The following TARBP1 variants were observed in gnomAD, a reference collection of about 807,000 sequenced individuals.
TARBP1 encodes tRNA (guanosine(18)-2'-O)-methyltransferase TARBP1.
Under a neutral mutation model 178.6 loss-of-function variants are expected in TARBP1, and 144 were observed. That is an observed-to-expected ratio of 0.81 (90% CI 0.70 to 0.93). The LOEUF (loss-of-function observed/expected upper bound fraction) is 0.93. TARBP1 is among the 40% of genes least tolerant of loss of function. The probability of loss-of-function intolerance (pLI) is 0.00; values close to 1 mark genes in which losing one functional copy is unlikely to be tolerated. For synonymous variants in TARBP1, 787 were observed against 781.0 expected, an observed-to-expected ratio of 1.01 and a Z score of -0.13; for missense variants, 2,067 against 2,011.7, an observed-to-expected ratio of 1.03 and a Z score of -0.53.
At chr1:234,451,431 A>G (rs1412078974) in intron 9 of TARBP1, among the ~76,000 whole-genome samples, 1 of 152,198 alleles carries the variant, frequency 6.6e-6, no homozygotes, top group Non-Finnish European at 1.5e-5. Flanking sequence ...CAAAGGAAGA[A>G]TACATCACCT....
intron 20 of TARBP1, among the ~76,000 whole-genome samples, chr1:234,421,404 T>C (rs1002032488): frequency 1.3e-5 from 2 of 152,118 alleles, no homozygotes; most frequent in African/African-American, 2.4e-5. Context: ...TTTTTAAAAT[T>C]AGAAGAGGGC....
intron 23 of TARBP1, chr1:234,407,355 T>TTTTTTTTG (rs1441525453): frequency 6.6e-6 from 1 of 151,748 alleles, no homozygotes; most frequent in African/African-American, 2.4e-5. Flanking sequence ...TTTTTTTTTT[T>TTTTTTTTG]GAGATGGAGT....
intron 9 of TARBP1, among the ~76,000 whole-genome samples, chr1:234,453,115 G>A (rs976171560): frequency 3.3e-5 from 5 of 152,170 alleles, no homozygotes; most frequent in Admixed American, 1.3e-4. Context: ...TATTCTGTAC[G>A]ACACGTCTGT....
Position 234,391,739 on chromosome 1 carries a change from T to C in TARBP1, c.4704A>G (p.Glu1568=). Residue 1568 remains glutamate, a synonymous_variant, in exon 30 of 30, where the codon GAA becomes GAG. Coordinates refer to ENST00000040877, the MANE Select transcript of TARBP1 (RefSeq NM_005646.4). ...PEKSLLLLGN[E]REGIPANLIQ... ...TCAGATTTGCTGGAATTCCCTCACG[T>C]TCATTTCTGAGGAAGAAAATGGAAG... The C allele has an allele frequency of 6.2e-7, 1 of 1,612,566 alleles. No homozygotes were observed. The highest frequency in any genetic ancestry group is 8.5e-7 in the Non-Finnish European group (1 of 1,179,582).
intron 4 of TARBP1, 106 bp from the exon 5 acceptor site, chr1:234,465,814 T>G: frequency 2.0e-6 from 2 of 1,019,324 alleles, no homozygotes; most frequent in Non-Finnish European, 2.7e-6. Flanking sequence ...ACAGAAGACC[T>G]GCTATAAGCA....
At chr1:234,421,208 C>A (rs1275117133) in intron 20 of TARBP1, among the ~76,000 whole-genome samples, 1 of 152,140 alleles carries the variant, frequency 6.6e-6, no homozygotes, top group African/African-American at 2.4e-5. Flanking sequence ...CCTGCCTCAG[C>A]CTCCCGAGTA....
chr1:234,409,201 A>G (rs767122994), intron 23 of TARBP1, among the ~76,000 whole-genome samples: 3 of 152,136 alleles, frequency 2.0e-5, no homozygotes, highest in Non-Finnish European at 4.4e-5. Flanking sequence ...CATTTCACTA[A>G]TTAGCATTCC....
chr1:234,438,333 T>C (rs1665244572), intron 12 of TARBP1, among the ~76,000 whole-genome samples: 1 of 152,118 alleles, frequency 6.6e-6, no homozygotes, highest in South Asian at 2.1e-4. Context: ...ATGACTTGGG[T>C]GTTAGAACCG....
chr1:234,467,779 C>A, intron 3 of TARBP1, 129 bp from the exon 4 acceptor site: 1 of 1,041,870 alleles, frequency 9.6e-7, no homozygotes, highest in East Asian at 3.2e-5. Flanking sequence ...GTTTTTGTTA[C>A]TGTTTTTTGA....
intron 6 of TARBP1, among the ~76,000 whole-genome samples, chr1:234,461,850 C>A (rs1233455266): frequency 6.6e-6 from 1 of 152,188 alleles, no homozygotes; most frequent in Non-Finnish European, 1.5e-5. Context: ...TAAGGACCCT[C>A]ATCTCATGTA....
At chr1:234,472,480 A>G (rs1413123673) in intron 2 of TARBP1, among the ~76,000 whole-genome samples, 1 of 152,140 alleles carries the variant, frequency 6.6e-6, no homozygotes, top group Non-Finnish European at 1.5e-5. Flanking sequence ...TTAAAGTTTT[A>G]GAATGGCAAG....
In TARBP1 at chr1:234,418,214, A is replaced by AT; in HGVS notation, c.3574dup (p.Ile1192AsnfsTer2). On this transcript the variant is annotated frameshift_variant, in exon 22 of 30. Coordinates refer to ENST00000040877, the MANE Select transcript of TARBP1 (RefSeq NM_005646.4). LOFTEE classifies it high-confidence loss of function. ...GAAACCAGCCTGGAAAATCCTGTCA[A>AT]TAATTCCATTCAAGAAATTCTGAGA... 6.4e-7 allele frequency: 1 copy of AT among 1,554,620 alleles called. No homozygotes were observed. The highest frequency in any genetic ancestry group is 1.4e-5 in the African/African-American group (1 of 71,032).
intron 25 of TARBP1, among the ~76,000 whole-genome samples, chr1:234,399,846 G>A (rs1231874298): frequency 7.1e-6 from 1 of 140,040 alleles, no homozygotes; most frequent in Non-Finnish European, 1.5e-5. Context: ...GAGAACACAC[G>A]GACACAGGAA....
At position 234,411,756 on chromosome 1, in the gene TARBP1, T is replaced by TC. The variant is rs1225219628; in HGVS notation, c.3706-1226dup. ...TCTGATTCCAGTTGAAAAAGACTGTTCAACTGGAATCTGAAACTATTATTA... is the reference window on the plus strand; with the variant it reads ...TCTGATTCCAGTTGAAAAAGACTGTTCCAACTGGAATCTGAAACTATTATTA... On this transcript the variant is annotated intron_variant, in intron 22 of 29. Transcript: ENST00000040877. Among the ~76,000 whole-genome samples, 10 of 152,262 alleles carry TC rather than the reference T, an allele frequency of 6.6e-5. No homozygotes were observed. In the East Asian group the frequency reaches 1.9e-3, roughly 29 times the overall value.
At chr1:234,428,473 A>C (rs534514860) in intron 17 of TARBP1, among the ~76,000 whole-genome samples, 16 of 152,220 alleles carry the variant, frequency 1.1e-4, no homozygotes, top group African/African-American at 3.6e-4. Flanking sequence ...GATCAATTAC[A>C]TTGTCATGGA....
chr1:234,443,357 A>G (rs1164769134), intron 12 of TARBP1, among the ~76,000 whole-genome samples: 3 of 152,154 alleles, frequency 2.0e-5, no homozygotes, highest in African/African-American at 4.8e-5. Context: ...ATAGTAGTAA[A>G]CTGAATCCCA....
intron 24 of TARBP1, 94 bp downstream of exon 24, chr1:234,405,808 TG>T: frequency 8.3e-7 from 1 of 1,202,498 alleles, no homozygotes; most frequent in Non-Finnish European, 1.2e-6. Context: ...CATGAGGATG[TG>T]GAAGGAGAAG....
At position 234,465,856 on chromosome 1, in the gene TARBP1, A is replaced by C. The variant is rs1050380204; in HGVS notation, c.1249-148T>G. On this transcript the variant is annotated intron_variant, in intron 4 of 29. Coordinates refer to ENST00000040877, the MANE Select transcript of TARBP1 (RefSeq NM_005646.4). Reference sequence around the variant, plus strand: ...ATCTCTTACGCTGCAGGCTAAATTTAGTGCTGGTCCTGGAGGGGAAGCTTA... The same window carrying C: ...ATCTCTTACGCTGCAGGCTAAATTTCGTGCTGGTCCTGGAGGGGAAGCTTA... 5 of 617,274 alleles carry C rather than the reference A, an allele frequency of 8.1e-6. No individual in the cohort carries two copies. The Admixed American group carries it at 1.6e-4, about 20-fold the overall frequency. The allele number at this position is 617,274 out of a possible 1,614,324, so 38.2% of individuals were successfully genotyped here.
chr1:234,391,709 T>C lies in TARBP1; in HGVS notation c.4734A>G (p.Gln1578=). 1 of 1,613,542 alleles carries C rather than the reference T, an allele frequency of 6.2e-7. No individual in the cohort carries two copies. Among genetic ancestry groups the C allele is most frequent in the Non-Finnish European group, 8.5e-7 (1 of 1,179,940 alleles). The change falls in exon 30 of 30, where the codon CAA becomes CAG. Residue 1578 remains glutamine, a synonymous_variant. Coordinates refer to ENST00000040877, the MANE Select transcript of TARBP1 (RefSeq NM_005646.4). ...GAATTTCCACACAAACGTCCAACTG[T>C]TGGATCAGATTTGCTGGAATTCCCT... The part of the protein sequence containing the change: ...EREGIPANLI[Q]QLDVCVEIPQ...
Sources: gnomAD v4.1 joint callset for allele counts (sites outside exome capture counted in the v4.1 genomes callset) on GRCh38, gnomAD v4.1.1 for gene constraint, MANE v1.5 for transcripts, NCBI Gene and HGNC (gene_info 2026-07-23, HGNC 2026-07-21) for gene names.